Variants in MBNL1 observed in about 807,000 individuals in gnomAD.
MBNL1 encodes muscleblind-like protein 1.
Under a neutral mutation model 42.2 loss-of-function variants are expected in MBNL1, and 8 were observed. The ratio of observed to expected loss-of-function variants is 0.19; its 90% CI spans 0.11 to 0.34. The LOEUF is 0.34. Among genes scored for constraint, MBNL1 ranks in the 10% least tolerant of loss-of-function variants. MBNL1 has a pLI of 1.00. For missense variants in MBNL1, 309 were observed against 495.3 expected (o/e 0.62, Z 3.57); for synonymous variants, 169 against 173.9 (o/e 0.97, Z 0.22).
At chr3:152,446,278 A>G (rs573413249) in intron 5 of MBNL1, among the ~76,000 whole-genome samples, 11 of 152,276 alleles carry the variant, frequency 7.2e-5, no homozygotes, top group African/African-American at 2.6e-4. Context: ...TTACATAAAT[A>G]TATGACTTAA....
At chr3:152,340,971 G>A in intron 2 of MBNL1, 1 of 1,493,800 alleles carries the variant, frequency 6.7e-7, no homozygotes, top group South Asian at 1.5e-5. Context: ...CTTTCCTGAA[G>A]GTCTGGGTAA....
intron 9 of MBNL1, 89 bp from the exon 10 acceptor site, chr3:152,462,296 A>G (rs1285253255): frequency 6.6e-6 from 1 of 152,192 alleles, no homozygotes; most frequent in African/African-American, 2.4e-5. Context: ...CTGGTTAATC[A>G]AAAAGAAAAT....
At chr3:152,371,536 C>T (rs549342623) in intron 2 of MBNL1, among the ~76,000 whole-genome samples, 132 of 152,202 alleles carry the variant, frequency 8.7e-4, no homozygotes, top group African/African-American at 3.0e-3. Flanking sequence ...GGTCAGGTTG[C>T]GGTGAGCCGA....
intron 1 of MBNL1, among the ~76,000 whole-genome samples, chr3:152,286,209 C>A (rs2051618313): frequency 6.7e-6 from 1 of 149,776 alleles, no homozygotes; most frequent in South Asian, 2.1e-4. Flanking sequence ...TTGACTAAAT[C>A]CAATGTAAAT....
chr3:152,322,013 A>G (rs2076740165), intron 2 of MBNL1, among the ~76,000 whole-genome samples: 1 of 152,036 alleles, frequency 6.6e-6, no homozygotes. Context: ...CTGTTTTAAA[A>G]GCCAGGTTAT....
chr3:152,445,327 G>T lies in MBNL1; in HGVS notation c.595G>T (p.Asp199Tyr). The change falls in exon 5 of 10, where the codon GAT becomes TAT. Residue 199 changes from aspartate (D) to tyrosine (Y), a missense_variant. Transcript: ENST00000324210. ...TGGCAATTGCAACCGAGGAGAAAAT[G>T]ATTGTCGGTTTGCTCATCCTGCTGA... Reference protein sequence around the residue: ...QRGNCNRGENDCRFAHPADST... With the variant: ...QRGNCNRGENYCRFAHPADST... The T allele has an allele frequency of 6.2e-7, 1 of 1,614,088 alleles. No individual in the cohort carries two copies. The highest frequency in any genetic ancestry group is 8.5e-7 in the Non-Finnish European group (1 of 1,179,946).
chr3:152,336,111 C>T (rs2089941828), intron 2 of MBNL1, among the ~76,000 whole-genome samples: 1 of 151,454 alleles, frequency 6.6e-6, no homozygotes, highest in South Asian at 2.1e-4. Flanking sequence ...TTATGAAAAC[C>T]TTTGTTTAGA....
intron 4 of MBNL1, among the ~76,000 whole-genome samples, chr3:152,444,180 T>TTC (rs2099186649): frequency 6.6e-6 from 1 of 152,170 alleles, no homozygotes; most frequent in Admixed American, 6.5e-5. Context: ...AAGCTTGAAG[T>TTC]AAGAGCACGA....
In MBNL1 at chr3:152,349,495, T is replaced by C. The variant is rs551225992; in HGVS notation, c.174+49128T>C. 3.9e-4 allele frequency among the ~76,000 whole-genome samples: 59 copies of C among 152,260 alleles called. No individual in the cohort carries two copies. The South Asian group carries it at 5.8e-3, about 15-fold the overall frequency. ...ATGGAAACTGACTTTGAACAGATTA[T>C]TGAAATGCTAGTGTATAATTTTTCT... On this transcript the variant is annotated intron_variant, in intron 2 of 9. Transcript: ENST00000324210.
At chr3:152,287,511 A>C (rs190490096) in intron 1 of MBNL1, among the ~76,000 whole-genome samples, 6 of 152,268 alleles carry the variant, frequency 3.9e-5, no homozygotes, top group Admixed American at 2.0e-4. Context: ...ATGGTTGCCA[A>C]AATTTAATGG....
intron 2 of MBNL1, among the ~76,000 whole-genome samples, chr3:152,346,169 A>G (rs1280495638): frequency 6.6e-6 from 1 of 152,096 alleles, no homozygotes; most frequent in Non-Finnish European, 1.5e-5. Flanking sequence ...AAGCTTGGAG[A>G]TGAATGAGGT....
At chr3:152,391,651 T>C (rs2097720830) in intron 2 of MBNL1, among the ~76,000 whole-genome samples, 1 of 152,248 alleles carries the variant, frequency 6.6e-6, no homozygotes, top group Non-Finnish European at 1.5e-5. Context: ...CTGCCTGACA[T>C]GTGCAGCATA....
chr3:152,250,955 A>G (rs958958705), intron 2 of MBNL1, among the ~76,000 whole-genome samples: 16 of 152,094 alleles, frequency 1.1e-4, no homozygotes, highest in South Asian at 4.1e-4. Context: ...ATACTCGCAA[A>G]CTGAATCCAG....
At position 152,447,661 on chromosome 3, in the gene MBNL1, T is replaced by G. The variant is rs1356491295; in HGVS notation, c.849T>G (p.Pro283=). ...TACTTCCCCCATTACCAAAGAGGCC[T>G]GCTCTTGAAAAAACCAACGGTGCCA... ...QAVLPPLPKR[P]ALEKTNGATA... The change falls in exon 6 of 10, where the codon CCT becomes CCG. Residue 283 remains proline, a synonymous_variant. Coordinates refer to ENST00000324210, the MANE Select transcript of MBNL1 (RefSeq NM_021038.5). The G allele has an allele frequency of 6.2e-7, 1 of 1,613,984 alleles. No homozygotes were observed. The highest frequency in any genetic ancestry group is 2.2e-5 in the East Asian group (1 of 44,872).
At chr3:152,392,190 G>T (rs144142211) in intron 2 of MBNL1, among the ~76,000 whole-genome samples, 1 of 152,010 alleles carries the variant, frequency 6.6e-6, no homozygotes, top group Non-Finnish European at 1.5e-5. Context: ...AGAAATCTCC[G>T]CAAGAAGTAC....
intron 2 of MBNL1, among the ~76,000 whole-genome samples, chr3:152,326,652 A>G (rs1207715808): frequency 6.6e-6 from 1 of 152,066 alleles, no homozygotes; most frequent in Non-Finnish European, 1.5e-5. Flanking sequence ...AGAAAAAGGG[A>G]AAAAATGCAT....
chr3:152,271,518 C>A (rs542614702), intron 1 of MBNL1, among the ~76,000 whole-genome samples: 1 of 152,080 alleles, frequency 6.6e-6, no homozygotes, highest in Non-Finnish European at 1.5e-5. Context: ...CTTGCTGCAC[C>A]TTCTGGCTTT....
intron 2 of MBNL1, among the ~76,000 whole-genome samples, chr3:152,305,251 A>ATG (rs951869245): frequency 6.6e-6 from 1 of 152,186 alleles, no homozygotes; most frequent in African/African-American, 2.4e-5. Flanking sequence ...TGTATGACAC[A>ATG]TGCCCAGTTC....
chr3:152,379,376 G>A (rs2097079761), intron 2 of MBNL1, among the ~76,000 whole-genome samples: 1 of 152,174 alleles, frequency 6.6e-6, no homozygotes. Flanking sequence ...CTATGGAGGT[G>A]TACAGCTTTT....
Sources: allele counts gnomAD v4.1 joint callset (sites outside exome capture counted in the v4.1 genomes callset), GRCh38; gene constraint gnomAD v4.1.1; transcripts MANE v1.5; gene names NCBI Gene and HGNC (gene_info 2026-07-23, HGNC 2026-07-21).